CTNNBL1: variants seen among roughly 807,000 people sequenced by gnomAD.
The protein encoded by CTNNBL1 is catenin beta like 1, also known as beta-catenin-like protein 1.
A neutral mutation model predicts 72.7 loss-of-function variants in CTNNBL1; 31 were observed. The observed-to-expected ratio is 0.43, with a 90% CI of 0.32 to 0.58. The LOEUF (loss-of-function observed/expected upper bound fraction) is 0.58. Among genes scored for constraint, CTNNBL1 ranks in the 20% least tolerant of loss-of-function variants. The probability of loss-of-function intolerance (pLI) is 0.08; values close to 1 mark genes in which losing one functional copy is unlikely to be tolerated. For missense variants in CTNNBL1, 534 were observed against 725.1 expected (o/e 0.74, Z 3.03); for synonymous variants, 240 against 267.3 (o/e 0.90, Z 1.00).
intron 11 of CTNNBL1, among the ~76,000 whole-genome samples, chr20:37,829,516 G>A (rs1310892613): frequency 1.3e-5 from 2 of 152,148 alleles, no homozygotes; most frequent in Admixed American, 6.6e-5. Context: ...ATAGTCCAAC[G>A]TTCATATTTA....
intron 1 of CTNNBL1, among the ~76,000 whole-genome samples, chr20:37,697,629 A>C (rs1416452957): frequency 6.6e-6 from 1 of 152,196 alleles, no homozygotes; most frequent in African/African-American, 2.4e-5. Flanking sequence ...CATTCAACCC[A>C]CTTGTTCATG....
At chr20:37,718,600 C>CG (rs2073013969) in intron 1 of CTNNBL1, among the ~76,000 whole-genome samples, 1 of 151,572 alleles carries the variant, frequency 6.6e-6, no homozygotes, top group Non-Finnish European at 1.5e-5. Context: ...TGACCCCCCC[C>CG]ACCTCCCTCC....
intron 1 of CTNNBL1, among the ~76,000 whole-genome samples, chr20:37,699,244 G>T (rs1382641365): frequency 6.6e-6 from 1 of 152,202 alleles, no homozygotes. Flanking sequence ...CATCTAGCTA[G>T]GTAGAGGCAA....
chr20:37,787,932 G>A (rs372214918), intron 10 of CTNNBL1, among the ~76,000 whole-genome samples: 39 of 152,140 alleles, frequency 2.6e-4, no homozygotes, highest in African/African-American at 8.7e-4. Flanking sequence ...CTCAAGATCT[G>A]GCCTCTGCCT....
At chr20:37,777,562 T>G in intron 8 of CTNNBL1, 92 bp from the exon 9 acceptor site, 1 of 1,411,352 alleles carries the variant, frequency 7.1e-7, no homozygotes, top group East Asian at 2.3e-5. Flanking sequence ...CAAGCTGTAT[T>G]GATTTTGTTT....
At chr20:37,697,342 TG>T (rs2072802237) in intron 1 of CTNNBL1, among the ~76,000 whole-genome samples, 1 of 152,096 alleles carries the variant, frequency 6.6e-6, no homozygotes, top group Admixed American at 6.6e-5. Flanking sequence ...CACAGAGGAA[TG>T]GGCATTAAAG....
intron 11 of CTNNBL1, among the ~76,000 whole-genome samples, chr20:37,836,983 T>C (rs894148121): frequency 6.6e-6 from 1 of 152,226 alleles, no homozygotes; most frequent in Non-Finnish European, 1.5e-5. Flanking sequence ...GTTTTAGAAC[T>C]GATCTTGTTA....
chr20:37,825,813 G>A (rs1790803474), intron 11 of CTNNBL1, among the ~76,000 whole-genome samples: 2 of 152,164 alleles, frequency 1.3e-5, no homozygotes, highest in South Asian at 4.1e-4. Flanking sequence ...AGTCGCTGGT[G>A]CCCAGCTCAT....
intron 11 of CTNNBL1, among the ~76,000 whole-genome samples, chr20:37,822,891 G>A (rs1039704541): frequency 1.3e-5 from 2 of 152,212 alleles, no homozygotes; most frequent in African/African-American, 2.4e-5. Flanking sequence ...TCGCTCCTCA[G>A]AAAGACCTGT....
intron 15 of CTNNBL1, among the ~76,000 whole-genome samples, chr20:37,865,363 A>C (rs2072528129): frequency 6.6e-6 from 1 of 152,160 alleles, no homozygotes; most frequent in South Asian, 2.1e-4. Context: ...GAGCCCAAAG[A>C]TCCAGGGAAG....
intron 7 of CTNNBL1, among the ~76,000 whole-genome samples, chr20:37,771,589 T>C (rs2073524897): frequency 6.6e-6 from 1 of 151,596 alleles, no homozygotes; most frequent in Admixed American, 6.6e-5. Flanking sequence ...TTTAAACCTA[T>C]CTCCTGCTCT....
At chr20:37,767,256 T>TA (rs954317291) in intron 6 of CTNNBL1, among the ~76,000 whole-genome samples, 6 of 151,296 alleles carry the variant, frequency 4.0e-5, no homozygotes, top group South Asian at 2.1e-4. Flanking sequence ...TCTAGGTGAT[T>TA]AAAAAAAAAG....
At position 37,776,306 on chromosome 20, in the gene CTNNBL1, A is replaced by G. The variant is rs142601160; in HGVS notation, c.751-1039A>G. The stretch of plus-strand genomic sequence containing the variant: ...AAGACGTGCACAGAAAACTGAAATG[A>G]TACTGAATATTGCTTGATTAGGTAC... On this transcript the variant is annotated intron_variant, in intron 7 of 15. Coordinates refer to ENST00000361383, the MANE Select transcript of CTNNBL1 (RefSeq NM_030877.5). 6.5e-3 allele frequency among the ~76,000 whole-genome samples: 994 copies of G among 152,350 alleles called. 17 individuals carry two copies. Among genetic ancestry groups the G allele is most frequent in the African/African-American group, 0.022 (898 of 41,576 alleles).
rs543762891 is a variant in CTNNBL1, at chr20:37,787,624, G to A, written c.1031+8289G>A. Among the ~76,000 whole-genome samples the A allele has an allele frequency of 1.6e-4, 24 of 152,312 alleles. No individual in the cohort carries two copies. The South Asian group carries it at 4.8e-3, about 30-fold the overall frequency. On this transcript the variant is annotated intron_variant, in intron 10 of 15. Coordinates refer to ENST00000361383, the MANE Select transcript of CTNNBL1 (RefSeq NM_030877.5). ...CTCCCAAAGTGCTGGGATTACAGGC[G>A]TGAGCCACCGCGCCCGGCCCATAAC... is the stretch of plus-strand genomic sequence containing the variant.
chr20:37,695,121 A>G (rs780063541), intron 1 of CTNNBL1: 2 of 152,100 alleles, frequency 1.3e-5, no homozygotes, highest in Non-Finnish European at 2.9e-5. Flanking sequence ...GATTATATCA[A>G]TTACATTGGT....
chr20:37,694,744 T>C (rs1210815001), intron 1 of CTNNBL1, among the ~76,000 whole-genome samples: 3 of 152,224 alleles, frequency 2.0e-5, no homozygotes, highest in Non-Finnish European at 4.4e-5. Flanking sequence ...AATTCTAGCA[T>C]GGAATGAGTT....
At chr20:37,724,981 GGCTTACTGC>G (rs2073071117) in intron 1 of CTNNBL1, among the ~76,000 whole-genome samples, 1 of 144,422 alleles carries the variant, frequency 6.9e-6, no homozygotes, top group African/African-American at 2.6e-5. Context: ...GCATGACCTT[GGCTTACTGC>G]AGCCTCCTGG....
intron 1 of CTNNBL1, among the ~76,000 whole-genome samples, chr20:37,703,376 A>G (rs529166389): frequency 2.0e-4 from 31 of 152,318 alleles, no homozygotes; most frequent in East Asian, 1.7e-3. Context: ...CATGTTGAAG[A>G]GTACTGGTCA....
At chr20:37,720,826 A>C (rs2073034412) in intron 1 of CTNNBL1, among the ~76,000 whole-genome samples, 1 of 152,344 alleles carries the variant, frequency 6.6e-6, no homozygotes, top group South Asian at 2.1e-4. Flanking sequence ...TGTTAGAAGC[A>C]AGGGTCAAAT....
Sources: allele counts gnomAD v4.1 joint callset (sites outside exome capture counted in the v4.1 genomes callset), GRCh38; gene constraint gnomAD v4.1.1; transcripts MANE v1.5; gene names NCBI Gene and HGNC (gene_info 2026-07-23, HGNC 2026-07-21).